EIF4G3: variants seen among roughly 807,000 people sequenced by gnomAD.
EIF4G3 encodes the protein eukaryotic translation initiation factor 4 gamma 3, also known as eIF-4-gamma 3.
Under a neutral mutation model 186.4 loss-of-function variants are expected in EIF4G3, and 34 were observed. The ratio of observed to expected loss-of-function variants is 0.18; its 90% CI spans 0.14 to 0.24. The LOEUF is 0.24. EIF4G3 is among the 10% of genes least tolerant of loss of function. The pLI is 1.00. For synonymous variants in EIF4G3, 673 were observed against 679.5 expected (o/e 0.99, Z 0.15); for missense variants, 1,536 against 1,948.5 (o/e 0.79, Z 3.99).
intron 2 of EIF4G3, 124 bp from the exon 3 acceptor site, chr1:21,089,337 C>G: frequency 1.7e-6 from 1 of 603,528 alleles, no homozygotes; most frequent in Non-Finnish European, 3.0e-6. Context: ...TTATATACTT[C>G]TCCACTAAAA....
intron 12 of EIF4G3, among the ~76,000 whole-genome samples, chr1:20,963,676 G>A (rs899684243): frequency 3.3e-5 from 5 of 152,048 alleles, no homozygotes; most frequent in East Asian, 3.9e-4. Flanking sequence ...ATCTTTGGCC[G>A]GGCATGGTGG....
intron 3 of EIF4G3, among the ~76,000 whole-genome samples, chr1:21,087,222 TAA>T (rs2096015654): frequency 6.6e-6 from 1 of 152,204 alleles, no homozygotes. Context: ...CCGAAATATT[TAA>T]AAGATAGGTT....
At chr1:20,868,090 C>CTTTTTTTTTTTTTTTTTTTTTTTT (rs66560662) in intron 20 of EIF4G3, among the ~76,000 whole-genome samples, 1 of 90,416 alleles carries the variant, frequency 1.1e-5, no homozygotes, top group Non-Finnish European at 2.0e-5. Flanking sequence ...TGGTGATTTT[C>CTTTTTTTTTTTTTTTTTTTTTTTT]TTTTTTTTTT....
In EIF4G3 at chr1:21,044,233, T is replaced by A. The variant is rs150030796; in HGVS notation, c.-67+6633A>T. Among the ~76,000 whole-genome samples the A allele has an allele frequency of 5.3e-3, 800 of 152,266 alleles. 7 individuals are homozygous for A. The highest frequency in any genetic ancestry group is 0.018 in the African/African-American group (760 of 41,534). ...AAGTTCTTAAAAATCTACTTTTTTT[T>A]AAAAGTGTCAACAAATATTGTCATT... On this transcript the variant is annotated intron_variant, in intron 4 of 36. Coordinates refer to ENST00000602326, the MANE Select transcript of EIF4G3 (RefSeq NM_001391906.1).
intron 3 of EIF4G3, among the ~76,000 whole-genome samples, chr1:21,075,927 T>C (rs963589839): frequency 2.0e-5 from 3 of 152,138 alleles, no homozygotes; most frequent in Non-Finnish European, 4.4e-5. Flanking sequence ...ACTCTCAGCA[T>C]TGGACAGATG....
At chr1:20,852,469 A>G (rs942530207) in intron 27 of EIF4G3, among the ~76,000 whole-genome samples, 1 of 152,218 alleles carries the variant, frequency 6.6e-6, no homozygotes, top group Non-Finnish European at 1.5e-5. Flanking sequence ...ATCTTTAAAC[A>G]TATGGAAAAT....
chr1:21,072,539 G>C (rs1217836056), intron 3 of EIF4G3, among the ~76,000 whole-genome samples: 2 of 152,044 alleles, frequency 1.3e-5, no homozygotes, highest in Admixed American at 1.3e-4. Flanking sequence ...GAGCAGCTGG[G>C]ACTACAGGTA....
At chr1:20,927,062 T>C (rs79646823) in intron 14 of EIF4G3, among the ~76,000 whole-genome samples, 1 of 151,818 alleles carries the variant, frequency 6.6e-6, no homozygotes, top group Non-Finnish European at 1.5e-5. Flanking sequence ...TTTTTTTTTT[T>C]TGAGGTGGAG....
chr1:21,071,716 GA>G (rs2095445211), intron 3 of EIF4G3, among the ~76,000 whole-genome samples: 1 of 151,382 alleles, frequency 6.6e-6, no homozygotes, highest in African/African-American at 2.4e-5. Context: ...TGAGGCAGGA[GA>G]ATCGCTTGAA....
rs143329689 is a variant in EIF4G3 at position 20,957,829 on chromosome 1, C to T, written c.715-7718G>A. Among the ~76,000 whole-genome samples the T allele has an allele frequency of 1.9e-3, 294 of 152,242 alleles. 2 individuals carry two copies. The highest frequency in any genetic ancestry group is 6.7e-3 in the African/African-American group (277 of 41,542). On this transcript the variant is annotated intron_variant, in intron 12 of 36. Transcript: ENST00000602326. The stretch of plus-strand genomic sequence containing the variant: ...ATGGATAAATTCCTGGAACATACCA[C>T]CCTCCTACATTAAATCAGAGGAAAG...
intron 3 of EIF4G3, among the ~76,000 whole-genome samples, chr1:21,077,846 C>A (rs892000027): frequency 1.3e-5 from 2 of 149,950 alleles, no homozygotes; most frequent in African/African-American, 4.9e-5. Flanking sequence ...CATCATTGCA[C>A]TCCAGCCAGG....
intron 2 of EIF4G3, among the ~76,000 whole-genome samples, chr1:21,130,216 CTTTT>C (rs71014159): frequency 1.9e-4 from 14 of 75,344 alleles, no homozygotes; most frequent in South Asian, 6.3e-4. Context: ...GACCCCATCT[CTTTT>C]TTTTTTTTTT....
intron 14 of EIF4G3, among the ~76,000 whole-genome samples, chr1:20,919,885 G>A (rs936649832): frequency 2.6e-5 from 4 of 151,586 alleles, no homozygotes; most frequent in East Asian, 1.9e-4. Context: ...CTCTTGTGAT[G>A]ACTTCAGTTA....
rs2093475661 is a variant in EIF4G3 at position 21,040,097 on chromosome 1, C to T, written c.-67+10769G>A. ...TCGCCAACGTCTGTCTTTTTGTATG[C>T]TAATGTTGACTGACAGCTAGAGTTG... On this transcript the variant is annotated intron_variant, in intron 4 of 36. Coordinates refer to ENST00000602326, the MANE Select transcript of EIF4G3 (RefSeq NM_001391906.1). Among the ~76,000 whole-genome samples, 3 of 152,172 alleles carry T rather than the reference C, an allele frequency of 2.0e-5. No homozygotes were observed. In the South Asian group the frequency reaches 6.2e-4, roughly 32 times the overall value.
At chr1:20,972,060 G>A (rs1310239246) in intron 11 of EIF4G3, among the ~76,000 whole-genome samples, 1 of 152,124 alleles carries the variant, frequency 6.6e-6, no homozygotes, top group Admixed American at 6.6e-5. Context: ...TGTCTGTTCT[G>A]TTGCGTAAGG....
chr1:21,032,563 A>T (rs1233381817), intron 4 of EIF4G3, among the ~76,000 whole-genome samples: 1 of 145,238 alleles, frequency 6.9e-6, no homozygotes, highest in Admixed American at 6.9e-5. Context: ...TTCAGCCATT[A>T]AAAAAAAAAA....
Position 20,817,420 on chromosome 1 carries a change from T to G in EIF4G3, c.4487A>C (p.Asn1496Thr). The G allele has an allele frequency of 6.2e-7, 1 of 1,603,994 alleles. No homozygotes were observed. The highest frequency in any genetic ancestry group is 8.5e-7 in the Non-Finnish European group (1 of 1,174,102). The change falls in exon 34 of 37, where the codon AAT becomes ACT. Residue 1496 changes from asparagine (N) to threonine (T), a missense_variant. By Grantham distance (65) the Asn-to-Thr change is moderately conservative. Transcript: ENST00000602326. Reference sequence around the variant, plus strand: ...TACCCAGTCAAAGATCTGTTCATCATTCGCTTTGTCCTCAATAATGAGTTT... The same window carrying G: ...TACCCAGTCAAAGATCTGTTCATCAGTCGCTTTGTCCTCAATAATGAGTTT... ...LEKLIIEDKA[N>T]DEQIFDWVEA...
At chr1:20,822,297 T>A (rs2062589092) in intron 33 of EIF4G3, among the ~76,000 whole-genome samples, 2 of 151,216 alleles carry the variant, frequency 1.3e-5, no homozygotes, top group Non-Finnish European at 3.0e-5. Context: ...CTTTTCAAAC[T>A]TTTTTTCACG....
chr1:20,985,542 T>C (rs780516583), intron 7 of EIF4G3, among the ~76,000 whole-genome samples: 1 of 152,176 alleles, frequency 6.6e-6, no homozygotes, highest in Non-Finnish European at 1.5e-5. Context: ...ATATATCCTT[T>C]TTGTACTCCT....
Sources: gnomAD v4.1 joint callset for allele counts (sites outside exome capture counted in the v4.1 genomes callset) on GRCh38, gnomAD v4.1.1 for gene constraint, MANE v1.5 for transcripts, NCBI Gene and HGNC (gene_info 2026-07-23, HGNC 2026-07-21) for gene names.